MARCHF1: variants seen among roughly 807,000 people sequenced by gnomAD.
MARCHF1 encodes the protein E3 ubiquitin-protein ligase MARCHF1.
A neutral mutation model predicts 54.2 loss-of-function variants in MARCHF1; 40 were observed. The observed-to-expected ratio is 0.74, with a 90% CI of 0.57 to 0.96. MARCHF1 has a LOEUF of 0.96. Among genes scored for constraint, MARCHF1 ranks in the 40% least tolerant of loss-of-function variants. The pLI is 0.00. For missense variants in MARCHF1, 586 were observed against 656.5 expected, an observed-to-expected ratio of 0.89 and a Z score of 1.17; for synonymous variants, 236 against 236.3, an observed-to-expected ratio of 1.00 and a Z score of 0.01.
chr4:164,261,999 G>GGAGGCA (rs1733480081), intron 1 of MARCHF1, among the ~76,000 whole-genome samples: 1 of 151,616 alleles, frequency 6.6e-6, no homozygotes, highest in Admixed American at 6.6e-5. Flanking sequence ...CAGCTACTCA[G>GGAGGCA]GAGGCAGAGG....
At chr4:163,951,047 G>A (rs1356948266) in intron 3 of MARCHF1, among the ~76,000 whole-genome samples, 1 of 151,910 alleles carries the variant, frequency 6.6e-6, no homozygotes, top group East Asian at 1.9e-4. Context: ...AAAAATGAGA[G>A]CACACAAAAA....
chr4:164,181,560 C>A (rs998362603), intron 1 of MARCHF1, among the ~76,000 whole-genome samples: 2 of 152,070 alleles, frequency 1.3e-5, no homozygotes, highest in African/African-American at 2.4e-5. Flanking sequence ...AAATAAAACC[C>A]CCTGAAATAG....
At chr4:163,651,238 T>C (rs1742952482) in intron 5 of MARCHF1, among the ~76,000 whole-genome samples, 1 of 151,948 alleles carries the variant, frequency 6.6e-6, no homozygotes, top group East Asian at 1.9e-4. Flanking sequence ...TGTTTGCTAG[T>C]CTGTGTACTT....
intron 2 of MARCHF1, among the ~76,000 whole-genome samples, chr4:164,062,637 G>T (rs1754643583): frequency 6.6e-6 from 1 of 152,008 alleles, no homozygotes; most frequent in Non-Finnish European, 1.5e-5. Flanking sequence ...CTATTCTCCT[G>T]CCTCAGCCTC....
chr4:163,771,079 C>A (rs559832542), intron 4 of MARCHF1, among the ~76,000 whole-genome samples: 1 of 152,218 alleles, frequency 6.6e-6, no homozygotes, highest in South Asian at 2.1e-4. Flanking sequence ...AAAATAGTGA[C>A]CAAATTTTGT....
chr4:164,259,544 C>CAAAAAAAAAAAAAAAAAAAAA (rs141030578), intron 1 of MARCHF1, among the ~76,000 whole-genome samples: 5 of 58,880 alleles, frequency 8.5e-5, no homozygotes, highest in Admixed American at 5.1e-4. Flanking sequence ...GACCGTGTCT[C>CAAAAAAAAAAAAAAAAAAAAA]AAAAAAAAAA....
intron 1 of MARCHF1, among the ~76,000 whole-genome samples, chr4:164,323,906 C>T (rs1348446721): frequency 6.6e-6 from 1 of 151,552 alleles, no homozygotes; most frequent in Non-Finnish European, 1.5e-5. Flanking sequence ...TCTGTCTAGC[C>T]TATTTTCAAA....
chr4:163,996,126 T>C (rs1221888950), intron 2 of MARCHF1, among the ~76,000 whole-genome samples: 1 of 151,992 alleles, frequency 6.6e-6, no homozygotes, highest in Admixed American at 6.6e-5. Context: ...ATGGCTGTTT[T>C]TTCTCATCAT....
intron 2 of MARCHF1, chr4:164,055,374 G>A (rs997631455): frequency 2.6e-5 from 4 of 151,786 alleles, no homozygotes; most frequent in Admixed American, 1.3e-4. Flanking sequence ...AACCTAGATG[G>A]CGGAGGTTGC....
intron 2 of MARCHF1, among the ~76,000 whole-genome samples, chr4:163,993,299 G>A (rs1228748424): frequency 1.3e-5 from 2 of 152,064 alleles, no homozygotes; most frequent in Non-Finnish European, 2.9e-5. Flanking sequence ...TATGGGTTTT[G>A]TCTGATTATT....
intron 1 of MARCHF1, among the ~76,000 whole-genome samples, chr4:164,173,875 T>C (rs1351829775): frequency 6.6e-6 from 1 of 152,164 alleles, no homozygotes; most frequent in East Asian, 1.9e-4. Flanking sequence ...CTTTAGAGCA[T>C]GGCAAGAGCA....
At chr4:164,247,567 A>T (rs4259019) in intron 1 of MARCHF1, among the ~76,000 whole-genome samples, 2 of 146,112 alleles carry the variant, frequency 1.4e-5, no homozygotes, top group Non-Finnish European at 3.0e-5. Flanking sequence ...TGTAACTAAC[A>T]TGCACAATGT....
intron 1 of MARCHF1, chr4:164,329,931 A>C (rs1735387869): frequency 6.6e-6 from 1 of 152,234 alleles, no homozygotes; most frequent in African/African-American, 2.4e-5. Context: ...CATACAAACC[A>C]TATCAGAGGG....
At chr4:164,281,022 T>G (rs1734012375) in intron 1 of MARCHF1, among the ~76,000 whole-genome samples, 1 of 152,046 alleles carries the variant, frequency 6.6e-6, no homozygotes. Context: ...ATGGAAAAAA[T>G]CCCACATTGT....
At chr4:164,241,005 TC>T (rs1732726451) in intron 1 of MARCHF1, among the ~76,000 whole-genome samples, 1 of 152,126 alleles carries the variant, frequency 6.6e-6, no homozygotes, top group South Asian at 2.1e-4. Context: ...GGGGACTTTT[TC>T]CCAATTACTC....
Position 164,005,449 on chromosome 4 carries a change from G to T in MARCHF1, c.-247-16740C>A, listed in dbSNP as rs753301606. On this transcript the variant is annotated intron_variant, in intron 2 of 9. Coordinates refer to ENST00000514618, the MANE Select transcript of MARCHF1 (RefSeq NM_001394959.1). ...CCAGCAAGTGAACAAACTCTGAGCA[G>T]ATGGTAGGATAGTTGGACTTCCACA... Among the ~76,000 whole-genome samples the T allele has an allele frequency of 7.9e-5, 12 of 152,246 alleles. No individual in the cohort carries two copies. The East Asian group carries it at 1.9e-3, about 25-fold the overall frequency.
intron 1 of MARCHF1, among the ~76,000 whole-genome samples, chr4:164,244,049 G>A (rs1346324831): frequency 2.0e-5 from 3 of 151,962 alleles, no homozygotes; most frequent in Admixed American, 2.0e-4. Context: ...ACAGATCAAC[G>A]AGACAGAAAG....
intron 4 of MARCHF1, among the ~76,000 whole-genome samples, chr4:163,846,722 A>G (rs377587195): frequency 1.3e-5 from 2 of 152,224 alleles, no homozygotes; most frequent in African/African-American, 4.8e-5. Context: ...TTTGATCTTT[A>G]AGATTAGTTC....
chr4:164,194,826 G>C (rs1731210667), intron 1 of MARCHF1, among the ~76,000 whole-genome samples: 1 of 151,906 alleles, frequency 6.6e-6, no homozygotes, highest in African/African-American at 2.4e-5. Context: ...AAGTTCTGGG[G>C]TGCATGTACA....
Sources: allele counts gnomAD v4.1 joint callset (sites outside exome capture counted in the v4.1 genomes callset), GRCh38; gene constraint gnomAD v4.1.1; transcripts MANE v1.5; gene names NCBI Gene and HGNC (gene_info 2026-07-23, HGNC 2026-07-21).